The following GHR variants were observed in gnomAD, a reference collection of about 807,000 sequenced individuals.
The protein encoded by GHR is growth hormone receptor.
Under a neutral mutation model 67.1 loss-of-function variants are expected in GHR, and 35 were observed. The ratio of observed to expected loss-of-function variants is 0.52; its 90% CI spans 0.40 to 0.69. GHR has a LOEUF of 0.69. GHR is among the 30% of genes least tolerant of loss of function. The pLI is 0.00. For missense variants in GHR, 792 were observed against 764.6 expected, an observed-to-expected ratio of 1.04 and a Z score of -0.42; for synonymous variants, 272 against 269.1, an observed-to-expected ratio of 1.01 and a Z score of -0.10.
At chr5:42,603,217 A>G (rs549811068) in intron 2 of GHR, among the ~76,000 whole-genome samples, 1 of 152,206 alleles carries the variant, frequency 6.6e-6, no homozygotes, top group African/African-American at 2.4e-5. Context: ...CTGCAGAAAA[A>G]TCGTCTGATA....
At chr5:42,627,318 T>G (rs1472914175) in intron 2 of GHR, among the ~76,000 whole-genome samples, 1 of 152,248 alleles carries the variant, frequency 6.6e-6, no homozygotes, top group Non-Finnish European at 1.5e-5. Flanking sequence ...AAAAAATTGT[T>G]CCCTACTGTG....
intron 3 of GHR, among the ~76,000 whole-genome samples, chr5:42,633,709 T>G (rs1754034667): frequency 6.6e-6 from 1 of 152,166 alleles, no homozygotes; most frequent in South Asian, 2.1e-4. Context: ...TAAACTTATC[T>G]CCCTGGCATT....
intron 1 of GHR, among the ~76,000 whole-genome samples, chr5:42,483,429 T>A (rs913140395): frequency 6.6e-6 from 1 of 152,010 alleles, no homozygotes; most frequent in African/African-American, 2.4e-5. Flanking sequence ...TACAAGTTCA[T>A]TTCAGCCCCA....
intron 2 of GHR, among the ~76,000 whole-genome samples, chr5:42,624,559 C>T (rs998329196): frequency 6.6e-6 from 1 of 152,178 alleles, no homozygotes; most frequent in Non-Finnish European, 1.5e-5. Flanking sequence ...ATGTATACAG[C>T]TTCATGAATT....
chr5:42,668,506 C>T (rs1176068475), intron 3 of GHR, among the ~76,000 whole-genome samples: 1 of 152,050 alleles, frequency 6.6e-6, no homozygotes, highest in Admixed American at 6.6e-5. Flanking sequence ...TCCTGGGAAA[C>T]TCATTCATGG....
chr5:42,690,497 T>A (rs1305210436), intron 4 of GHR, among the ~76,000 whole-genome samples: 1 of 152,206 alleles, frequency 6.6e-6, no homozygotes, highest in Non-Finnish European at 1.5e-5. Context: ...TAGTGATAAT[T>A]TTAAAATAAT....
intron 5 of GHR, among the ~76,000 whole-genome samples, chr5:42,696,686 T>G (rs914975123): frequency 6.6e-6 from 1 of 152,202 alleles, no homozygotes; most frequent in South Asian, 2.1e-4. Context: ...CAAAAAGGAA[T>G]TTGGACTTTA....
intron 1 of GHR, among the ~76,000 whole-genome samples, chr5:42,562,837 G>C (rs1045776079): frequency 1.3e-5 from 2 of 151,900 alleles, no homozygotes; most frequent in Non-Finnish European, 2.9e-5. Context: ...TTTTAGTAGA[G>C]ACGGGGTTTC....
At chr5:42,594,742 T>C (rs1242035604) in intron 2 of GHR, among the ~76,000 whole-genome samples, 1 of 152,162 alleles carries the variant, frequency 6.6e-6, no homozygotes, top group Non-Finnish European at 1.5e-5. Context: ...TATATATTCT[T>C]ACAAATTATT....
chr5:42,472,852 C>T (rs562833824), intron 1 of GHR, among the ~76,000 whole-genome samples: 2 of 152,192 alleles, frequency 1.3e-5, no homozygotes, highest in Admixed American at 1.3e-4. Flanking sequence ...CCAGGTCATC[C>T]CAGAGGTTCC....
At chr5:42,507,256 C>T (rs1207656461) in intron 1 of GHR, among the ~76,000 whole-genome samples, 2 of 152,170 alleles carry the variant, frequency 1.3e-5, no homozygotes, top group African/African-American at 2.4e-5. Context: ...TACCATTAGT[C>T]GTTGTAAGTA....
chr5:42,616,842 G>T (rs1050647735), intron 2 of GHR, among the ~76,000 whole-genome samples: 3 of 152,006 alleles, frequency 2.0e-5, no homozygotes, highest in Admixed American at 2.0e-4. Context: ...TAAGCAAAGA[G>T]CATATTTTTA....
intron 3 of GHR, among the ~76,000 whole-genome samples, chr5:42,663,290 A>C (rs1755754806): frequency 6.6e-6 from 1 of 152,204 alleles, no homozygotes; most frequent in South Asian, 2.1e-4. Context: ...AGACACAACC[A>C]AAAAAGAGAA....
intron 1 of GHR, among the ~76,000 whole-genome samples, chr5:42,465,048 G>A (rs1193349415): frequency 6.6e-6 from 1 of 152,194 alleles, no homozygotes; most frequent in Non-Finnish European, 1.5e-5. Flanking sequence ...TAAAGATAAA[G>A]AATGATTATT....
At chr5:42,614,849 A>G (rs900384743) in intron 2 of GHR, among the ~76,000 whole-genome samples, 1 of 151,974 alleles carries the variant, frequency 6.6e-6, no homozygotes, top group East Asian at 1.9e-4. Flanking sequence ...AGGTTTGTTT[A>G]CATATTGTGG....
intron 1 of GHR, among the ~76,000 whole-genome samples, chr5:42,439,982 T>A (rs574624002): frequency 1.3e-5 from 2 of 152,198 alleles, no homozygotes; most frequent in Non-Finnish European, 2.9e-5. Flanking sequence ...CTGACCCTGA[T>A]TCATGGGATT....
intron 2 of GHR, among the ~76,000 whole-genome samples, chr5:42,583,419 A>C (rs1482451611): frequency 6.6e-6 from 1 of 152,194 alleles, no homozygotes; most frequent in Non-Finnish European, 1.5e-5. Context: ...CATCGGCATT[A>C]ATCTATTTTG....
intron 3 of GHR, chr5:42,646,493 TAAAATACA>T (rs1406878002): frequency 9.5e-6 from 3 of 317,006 alleles, no homozygotes; most frequent in African/African-American, 6.6e-5. Flanking sequence ...AAGGCAGATC[TAAAATACA>T]TTAGAGTTAA....
At chr5:42,464,443 A>ATGCG (rs34393155) in intron 1 of GHR, among the ~76,000 whole-genome samples, 15,859 of 152,186 alleles carry the variant, frequency 0.1, 1,094 homozygotes, top group East Asian at 0.34. Context: ...CAATGCATGG[A>ATGCG]TGCACGGTGT....
Sources: allele counts gnomAD v4.1 joint callset (sites outside exome capture counted in the v4.1 genomes callset), GRCh38; gene constraint gnomAD v4.1.1; transcripts MANE v1.5; gene names NCBI Gene and HGNC (gene_info 2026-07-23, HGNC 2026-07-21).